The following FCHSD2 variants were observed in gnomAD, a reference collection of about 807,000 sequenced individuals.
FCHSD2 encodes F-BAR and double SH3 domains protein 2.
FCHSD2 carries 38 observed loss-of-function variants against 108.1 expected under a neutral mutation model. The ratio of observed to expected loss-of-function variants is 0.35; its 90% CI spans 0.27 to 0.46. FCHSD2 has a LOEUF of 0.46. Ranked by LOEUF, FCHSD2 falls within the 20% of genes least tolerant of loss-of-function variation. The pLI, the probability that FCHSD2 is intolerant of heterozygous loss-of-function variation, is 1.00. For missense variants in FCHSD2, 751 were observed against 897.8 expected, an observed-to-expected ratio of 0.84 and a Z score of 2.09; for synonymous variants, 279 against 314.7, an observed-to-expected ratio of 0.89 and a Z score of 1.20.
intron 12 of FCHSD2, among the ~76,000 whole-genome samples, chr11:72,882,692 GC>G (rs1202984525): frequency 1.3e-5 from 2 of 151,984 alleles, no homozygotes; most frequent in Non-Finnish European, 2.9e-5. Flanking sequence ...AAATTAAGAA[GC>G]CAAAAAAGGA....
intron 3 of FCHSD2, among the ~76,000 whole-genome samples, chr11:73,080,902 C>T (rs1859668885): frequency 6.6e-6 from 1 of 151,964 alleles, no homozygotes; most frequent in South Asian, 2.1e-4. Context: ...CAAGACTGTA[C>T]TACTGCACTC....
At chr11:72,869,320 T>C (rs1455635131) in intron 12 of FCHSD2, among the ~76,000 whole-genome samples, 1 of 151,952 alleles carries the variant, frequency 6.6e-6, no homozygotes, top group African/African-American at 2.4e-5. Flanking sequence ...ACAACAATCT[T>C]GATATTCACT....
intron 12 of FCHSD2, among the ~76,000 whole-genome samples, chr11:72,868,265 C>G (rs7124622): frequency 1 from 151,838 of 152,314 alleles, 75,682 homozygotes; most frequent in Middle Eastern, 1. Context: ...ACCAAACACT[C>G]CATGTTCTCA....
At chr11:73,133,093 A>G (rs894999617) in intron 2 of FCHSD2, among the ~76,000 whole-genome samples, 1 of 152,220 alleles carries the variant, frequency 6.6e-6, no homozygotes, top group African/African-American at 2.4e-5. Context: ...TAGAATGCCT[A>G]TAATCAAAAA....
chr11:73,035,696 T>TTTTATTTA (rs35623691), intron 3 of FCHSD2, among the ~76,000 whole-genome samples: 1,643 of 125,788 alleles, frequency 0.013, 14 homozygotes, highest in African/African-American at 0.025. Flanking sequence ...AATGTTCAGT[T>TTTTATTTA]TTTATTTATT....
chr11:73,072,832 C>A (rs948326147), intron 3 of FCHSD2, among the ~76,000 whole-genome samples: 3 of 152,190 alleles, frequency 2.0e-5, no homozygotes, highest in Non-Finnish European at 4.4e-5. Context: ...CCACCACATG[C>A]ACATAACACT....
intron 3 of FCHSD2, among the ~76,000 whole-genome samples, chr11:73,019,774 A>AAAACCAGT (rs1858057466): frequency 6.6e-6 from 1 of 152,330 alleles, no homozygotes; most frequent in South Asian, 2.1e-4. Flanking sequence ...AAAGCATTCT[A>AAAACCAGT]TGCTTAAATT....
intron 8 of FCHSD2, among the ~76,000 whole-genome samples, chr11:72,955,579 T>C (rs1440278068): frequency 2.0e-5 from 3 of 152,116 alleles, no homozygotes; most frequent in Non-Finnish European, 4.4e-5. Flanking sequence ...TTGGATCCCT[T>C]GGCAACCAGC....
intron 3 of FCHSD2, among the ~76,000 whole-genome samples, chr11:73,044,467 C>T (rs1858710477): frequency 6.6e-6 from 1 of 152,062 alleles, no homozygotes; most frequent in African/African-American, 2.4e-5. Context: ...ATAGTCCTAG[C>T]TACTCAGGAG....
intron 2 of FCHSD2, among the ~76,000 whole-genome samples, chr11:73,138,060 A>G (rs1022836102): frequency 1.3e-5 from 2 of 152,342 alleles, no homozygotes; most frequent in Non-Finnish European, 2.9e-5. Context: ...ATACTAGTAT[A>G]TTGCAAGCAA....
chr11:73,105,595 C>A (rs1240575002), intron 2 of FCHSD2, among the ~76,000 whole-genome samples: 1 of 152,086 alleles, frequency 6.6e-6, no homozygotes, highest in Non-Finnish European at 1.5e-5. Context: ...AATATACTTA[C>A]TAGGCAGTTC....
intron 2 of FCHSD2, among the ~76,000 whole-genome samples, chr11:73,110,443 G>A (rs1860456224): frequency 1.3e-5 from 2 of 152,042 alleles, no homozygotes; most frequent in South Asian, 2.1e-4. Flanking sequence ...TATGAATTAT[G>A]CATTCCTTCT....
intron 2 of FCHSD2, among the ~76,000 whole-genome samples, chr11:73,135,770 G>A (rs909258516): frequency 6.6e-6 from 1 of 152,166 alleles, no homozygotes; most frequent in South Asian, 2.1e-4. Context: ...AATGCCATTC[G>A]CAGAACAAAT....
At chr11:72,851,991 C>G (rs1946308063) in intron 13 of FCHSD2, among the ~76,000 whole-genome samples, 1 of 151,280 alleles carries the variant, frequency 6.6e-6, no homozygotes, top group Non-Finnish European at 1.5e-5. Flanking sequence ...ATCTTCCTGC[C>G]TCAGCCTCCC....
chr11:73,014,124 C>CTTTTTTT (rs947652108), intron 4 of FCHSD2, among the ~76,000 whole-genome samples: 1 of 86,582 alleles, frequency 1.2e-5, no homozygotes. Context: ...TGTGTGGTTT[C>CTTTTTTT]TTTTTTTTTT....
intron 9 of FCHSD2, among the ~76,000 whole-genome samples, chr11:72,906,581 C>T (rs1855635328): frequency 6.6e-6 from 1 of 152,132 alleles, no homozygotes; most frequent in African/African-American, 2.4e-5. Context: ...AGTCTTTAAT[C>T]CATCTTGAGT....
At chr11:72,871,604 TG>T (rs11358083) in intron 12 of FCHSD2, among the ~76,000 whole-genome samples, 150,900 of 152,266 alleles carry the variant, frequency 0.99, 74,773 homozygotes, top group East Asian at 1. Context: ...TTGGAGCTGG[TG>T]CAGTGGCTTG....
At chr11:73,123,400 G>A (rs541792498) in intron 2 of FCHSD2, among the ~76,000 whole-genome samples, 1 of 152,288 alleles carries the variant, frequency 6.6e-6, no homozygotes, top group South Asian at 2.1e-4. Flanking sequence ...TCCTGGAAAA[G>A]TAGCGCTCAT....
At chr11:72,849,172 C>T (rs1861222282) in intron 14 of FCHSD2, among the ~76,000 whole-genome samples, 1 of 152,102 alleles carries the variant, frequency 6.6e-6, no homozygotes, top group Non-Finnish European at 1.5e-5. Context: ...TCACACATGC[C>T]TCCACCAGAA....
Sources: allele counts gnomAD v4.1 joint callset (sites outside exome capture counted in the v4.1 genomes callset), GRCh38; gene constraint gnomAD v4.1.1; transcripts MANE v1.5; gene names NCBI Gene and HGNC (gene_info 2026-07-23, HGNC 2026-07-21).